The following GRHL3 variants were observed in gnomAD, a reference collection of about 807,000 sequenced individuals.
The protein encoded by GRHL3 is grainyhead like transcription factor 3.
A neutral mutation model predicts 70.3 loss-of-function variants in GRHL3; 20 were observed. The observed-to-expected ratio is 0.28, with a 90% CI of 0.20 to 0.41. The LOEUF is 0.41. GRHL3 is among the 10% of genes least tolerant of loss of function. The pLI is 1.00. For missense variants in GRHL3, 637 were observed against 762.3 expected (o/e 0.84, Z 1.94); for synonymous variants, 299 against 299.9 (o/e 1.00, Z 0.03).
intron 1 of GRHL3, among the ~76,000 whole-genome samples, chr1:24,323,455 A>G (rs928792414): frequency 1.3e-5 from 2 of 152,196 alleles, no homozygotes; most frequent in African/African-American, 4.8e-5. Flanking sequence ...GGAGGTTCCC[A>G]AATCCACTAC....
At position 24,334,264 on chromosome 1, in the gene GRHL3, C is replaced by T. The variant is rs1444575121; in HGVS notation, c.205-381C>T. 2.0e-5 allele frequency among the ~76,000 whole-genome samples: 3 copies of T among 152,164 alleles called. No homozygotes were observed. The highest frequency in any genetic ancestry group is 4.4e-5 in the Non-Finnish European group (3 of 68,028). On this transcript the variant is annotated intron_variant, in intron 2 of 15. Coordinates refer to ENST00000361548, the MANE Select transcript of GRHL3 (RefSeq NM_198173.3). The surrounding 1 kb of genome is among the most constrained non-coding windows in gnomAD (Gnocchi z 4.3). ...TTTTAAAGGAAAGAGGTTTAATTGA[C>T]TCACAGTTCAGCATGGCCAGGGAGG...
rs2148664300 is a variant in GRHL3 at position 24,347,493 on chromosome 1, TGAGGAGGTGTTTGACGCG to T, written c.1570_1587del (p.Glu524_Ala529del). The T allele has an allele frequency of 6.2e-7, 1 of 1,614,180 alleles. No homozygotes were observed. The highest frequency in any genetic ancestry group is 2.2e-5 in the East Asian group (1 of 44,878). Reference sequence around the variant, plus strand: ...TTCTGCTGTATGTGCGGAGGGAGACTGAGGAGGTGTTTGACGCGCTCATGTTGAAGACCCCAGACCTGA... The same window carrying T: ...TTCTGCTGTATGTGCGGAGGGAGACTCTCATGTTGAAGACCCCAGACCTGA... On this transcript the variant is annotated inframe_deletion, in exon 14 of 16. Coordinates refer to ENST00000361548, the MANE Select transcript of GRHL3 (RefSeq NM_198173.3).
At chr1:24,348,351 T>C (rs1640374190) in intron 14 of GRHL3, among the ~76,000 whole-genome samples, 1 of 151,632 alleles carries the variant, frequency 6.6e-6, no homozygotes, top group Non-Finnish European at 1.5e-5. Flanking sequence ...CTCCGAGAGG[T>C]CAGGTGACTT....
chr1:24,341,184 G>T (rs1257179603), intron 8 of GRHL3, among the ~76,000 whole-genome samples: 1 of 152,176 alleles, frequency 6.6e-6, no homozygotes, highest in Non-Finnish European at 1.5e-5. Flanking sequence ...ACCTTGCCAG[G>T]GTTTGCCCCG....
At chr1:24,348,541 A>G (rs1378937304) in intron 14 of GRHL3, among the ~76,000 whole-genome samples, 3 of 152,184 alleles carry the variant, frequency 2.0e-5, no homozygotes, top group Non-Finnish European at 4.4e-5. Flanking sequence ...TTTGGGTTGG[A>G]CAATACCTTA....
chr1:24,344,026 ACT>A (rs1640149632), intron 11 of GRHL3, among the ~76,000 whole-genome samples: 3 of 151,844 alleles, frequency 2.0e-5, no homozygotes, highest in South Asian at 2.1e-4. Context: ...GGCTCTCCTC[ACT>A]CTCTCACCAA....
chr1:24,326,401 ATTCCCCTCCACCCCTC>A (rs1557690860), intron 1 of GRHL3, among the ~76,000 whole-genome samples: 2 of 44,922 alleles, frequency 4.5e-5, no homozygotes, highest in East Asian at 4.0e-4. Flanking sequence ...CTCCACCCCT[ATTCCCCTCCACCCCTC>A]TTCCCCTCCA....
chr1:24,348,444 A>G (rs1640378655), intron 14 of GRHL3, among the ~76,000 whole-genome samples: 1 of 151,984 alleles, frequency 6.6e-6, no homozygotes, highest in Non-Finnish European at 1.5e-5. Context: ...TGTTCTCTTT[A>G]CGCACCGTCA....
At chr1:24,356,430 G>A (rs1557709544), downstream of GRHL3, among the ~76,000 whole-genome samples, 1 of 151,576 alleles carries the variant, frequency 6.6e-6, no homozygotes, top group Non-Finnish European at 1.5e-5. Context: ...TAGTAAAGAT[G>A]GGGTTTCACC....
In GRHL3 at chr1:24,342,334, C is replaced by A; in HGVS notation, c.1206+61C>A. ...GGGAGGTAGAAGGGCCAAACCCTGACCCGTGCGTCCTCCTAGCTTCTCTGG... is the reference window on the plus strand; with the variant it reads ...GGGAGGTAGAAGGGCCAAACCCTGAACCGTGCGTCCTCCTAGCTTCTCTGG... On this transcript the variant is annotated intron_variant, in intron 9 of 15. Coordinates refer to ENST00000361548, the MANE Select transcript of GRHL3 (RefSeq NM_198173.3). This position sits in a 1 kb window ranked among gnomAD's most constrained non-coding sequence, Gnocchi z 4.8. 1.4e-6 allele frequency: 2 copies of A among 1,398,168 alleles called. No homozygotes were observed. The highest frequency in any genetic ancestry group is 2.0e-6 in the Non-Finnish European group (2 of 1,021,460). 86.6% of individuals were successfully genotyped at this position (1,398,168 alleles called of 1,614,324 possible).
chr1:24,361,099 G>C (rs1641083568), intron 15 of GRHL3: 11 of 1,466,794 alleles, frequency 7.5e-6, no homozygotes, highest in Non-Finnish European at 1.0e-5. Flanking sequence ...GGAAGGCACA[G>C]TTTCTAGACA....
At chr1:24,345,198 T>C (rs59255813) in intron 12 of GRHL3, among the ~76,000 whole-genome samples, 287 of 810 alleles carry the variant, frequency 0.35, 1 homozygote, top group Middle Eastern at 0.5. Flanking sequence ...GTGCCCCCTC[T>C]ACACCTGTGC....
chr1:24,342,724 C>G lies in GRHL3; in HGVS notation c.1237C>G (p.Arg413Gly), dbSNP rs1314361752. ...GAERKMRDDE[R>G]KQFRRKVKCP... Reference sequence around the variant, plus strand: ...TGAGAGGAAGATGCGCGATGACGAGCGGAAGCAGTTCCGGAGGAAGGTCAA... The same window carrying G: ...TGAGAGGAAGATGCGCGATGACGAGGGGAAGCAGTTCCGGAGGAAGGTCAA... The change falls in exon 10 of 16, where the codon CGG becomes GGG. Residue 413 changes from arginine (R) to glycine (G), a missense_variant. Arg to Gly is a moderately radical substitution (Grantham distance 125, BLOSUM62 -2). Around this residue, in one of 2 missense-constraint regions of GRHL3, gnomAD observed 387 missense variants for 513.8 expected, o/e 0.75. Coordinates refer to ENST00000361548, the MANE Select transcript of GRHL3 (RefSeq NM_198173.3). This position sits in a 1 kb window ranked among gnomAD's most constrained non-coding sequence, Gnocchi z 4.8. 6.2e-7 allele frequency: 1 copy of G among 1,614,186 alleles called. No homozygotes were observed. Among genetic ancestry groups the G allele is most frequent in the Non-Finnish European group, 8.5e-7 (1 of 1,180,032 alleles).
rs993688284 is a variant in GRHL3, at chr1:24,341,723, C to T, written c.1048-392C>T. Among the ~76,000 whole-genome samples the T allele has an allele frequency of 2.6e-5, 4 of 152,148 alleles. No homozygotes were observed. The South Asian group carries it at 6.2e-4, about 24-fold the overall frequency. On this transcript the variant is annotated intron_variant, in intron 8 of 15. Coordinates refer to ENST00000361548, the MANE Select transcript of GRHL3 (RefSeq NM_198173.3). ...GACAGGGGACTCAGCCCTTTTCCAC[C>T]TCCTTGTCCTGAGTTGCAGAAAAAC...
chr1:24,326,955 C>G (rs949500126), intron 1 of GRHL3, among the ~76,000 whole-genome samples: 15 of 152,288 alleles, frequency 9.8e-5, no homozygotes, highest in African/African-American at 2.9e-4. Context: ...TGTTATTACA[C>G]TATCTCTTTT....
At chr1:24,335,630 T>A (rs893601567) in intron 3 of GRHL3, among the ~76,000 whole-genome samples, 22 of 151,070 alleles carry the variant, frequency 1.5e-4, no homozygotes, top group Admixed American at 5.3e-4. Flanking sequence ...TTGCCCAGGC[T>A]GGAGTGCAGT....
intron 14 of GRHL3, among the ~76,000 whole-genome samples, chr1:24,349,345 G>A (rs1490259985): frequency 2.0e-5 from 3 of 152,246 alleles, no homozygotes; most frequent in African/African-American, 7.2e-5. Flanking sequence ...CGTGGCTTAT[G>A]CTGTTTGAGC....
At chr1:24,338,230 CGTGGG>C (rs1639902887) in intron 7 of GRHL3, 127 bp downstream of exon 7, 2 of 614,066 alleles carry the variant, frequency 3.3e-6, no homozygotes, top group South Asian at 4.4e-5. Context: ...GGTCAAACAC[CGTGGG>C]GTTTGCAAGG....
intron 15 of GRHL3, among the ~76,000 whole-genome samples, chr1:24,363,689 T>C (rs1641269435): frequency 3.9e-5 from 6 of 152,166 alleles, no homozygotes; most frequent in Admixed American, 2.6e-4. Flanking sequence ...AATAAAAAAC[T>C]GCATTGAAAG....
Sources: allele counts gnomAD v4.1 joint callset (sites outside exome capture counted in the v4.1 genomes callset), GRCh38; gene constraint gnomAD v4.1.1; regional missense constraint gnomAD v4.1.1; non-coding constraint Gnocchi (gnomAD v3.1); transcripts MANE v1.5; gene names NCBI Gene and HGNC (gene_info 2026-07-23, HGNC 2026-07-21).